The following KDM4C variants were observed in gnomAD, a reference collection of about 807,000 sequenced individuals.
KDM4C encodes the protein lysine-specific demethylase 4C.
In KDM4C, 81 loss-of-function variants were observed where a neutral mutation model predicts 129.3. The observed-to-expected ratio is 0.63, with a 90% CI of 0.52 to 0.75. The LOEUF (loss-of-function observed/expected upper bound fraction) is 0.75, where lower values mean the gene tolerates loss of function less well. KDM4C is among the 30% of genes least tolerant of loss of function. The probability of loss-of-function intolerance (pLI) is 0.00; values close to 1 mark genes in which losing one functional copy is unlikely to be tolerated. For missense variants in KDM4C, 1,457 were observed against 1,304.0 expected, an observed-to-expected ratio of 1.12 and a Z score of -1.81; for synonymous variants, 573 against 456.1, an observed-to-expected ratio of 1.26 and a Z score of -3.26.
chr9:7,165,164 T>C, intron 19 of KDM4C, 74 bp from the exon 20 acceptor site: 2 of 1,552,268 alleles, frequency 1.3e-6, no homozygotes, highest in Non-Finnish European at 1.7e-6. Flanking sequence ...TGCCAGGAGT[T>C]CATCATTTGC....
At chr9:6,750,320 C>T (rs897852269) in intron 1 of KDM4C, among the ~76,000 whole-genome samples, 8 of 151,740 alleles carry the variant, frequency 5.3e-5, no homozygotes, top group African/African-American at 1.9e-4. Context: ...GCACCTGTAG[C>T]CCCAGCTACT....
At chr9:7,125,717 T>C (rs1224567201) in intron 18 of KDM4C, among the ~76,000 whole-genome samples, 1 of 152,206 alleles carries the variant, frequency 6.6e-6, no homozygotes, top group Non-Finnish European at 1.5e-5. Context: ...AAGAAAAGAC[T>C]GGGGTTTAAT....
chr9:6,812,064 C>T (rs184208162), intron 3 of KDM4C, among the ~76,000 whole-genome samples: 1 of 152,110 alleles, frequency 6.6e-6, no homozygotes, highest in East Asian at 1.9e-4. Context: ...CAAACTTTAT[C>T]TTTCTCTCTT....
intron 1 of KDM4C, among the ~76,000 whole-genome samples, chr9:6,762,886 T>C (rs1477589834): frequency 2.0e-5 from 3 of 152,016 alleles, no homozygotes; most frequent in African/African-American, 7.3e-5. Flanking sequence ...CTCGAATTCT[T>C]GACCTCAGGT....
At chr9:6,891,137 G>C (rs1039856279) in intron 7 of KDM4C, among the ~76,000 whole-genome samples, 44 of 152,176 alleles carry the variant, frequency 2.9e-4, no homozygotes, top group African/African-American at 9.9e-4. Context: ...GTGGGAGTAG[G>C]GGATGGGCAG....
Position 7,103,835 on chromosome 9 carries a change from A to T in KDM4C, c.2575A>T (p.Ile859Phe). The change falls in exon 18 of 22, where the codon ATT (isoleucine) becomes TTT (phenylalanine). Residue 859 changes from isoleucine (I) to phenylalanine (F), a missense_variant. Coordinates refer to ENST00000381309, the MANE Select transcript of KDM4C (RefSeq NM_015061.6). ...EPDDWPYVVN[I>F]TCFRHKVNPN... is the part of the protein sequence containing the mutation. Reference sequence around the variant, plus strand: ...TGATGACTGGCCTTATGTGGTGAACATTACATGCTTTCGACATAAGGTCAA... The same window carrying T: ...TGATGACTGGCCTTATGTGGTGAACTTTACATGCTTTCGACATAAGGTCAA... 6.2e-7 allele frequency: 1 copy of T among 1,613,988 alleles called. No individual in the cohort carries two copies. Among genetic ancestry groups the T allele is most frequent in the Non-Finnish European group, 8.5e-7 (1 of 1,179,932 alleles).
chr9:6,761,356 CAG>C (rs1819459196), intron 1 of KDM4C, among the ~76,000 whole-genome samples: 1 of 151,080 alleles, frequency 6.6e-6, no homozygotes, highest in African/African-American at 2.4e-5. Flanking sequence ...TTTTTGGAGA[CAG>C]GGTGTAACTC....
At chr9:7,048,798 C>T (rs1829763166) in intron 16 of KDM4C, among the ~76,000 whole-genome samples, 1 of 151,974 alleles carries the variant, frequency 6.6e-6, no homozygotes, top group Non-Finnish European at 1.5e-5. Context: ...AAATAAGAAA[C>T]CCACATTTCA....
chr9:6,884,306 G>GGTAAA (rs1435873355), intron 6 of KDM4C, among the ~76,000 whole-genome samples: 2 of 152,100 alleles, frequency 1.3e-5, no homozygotes, highest in African/African-American at 4.8e-5. Context: ...TAGAGCTGTG[G>GGTAAA]GTAAATGTTA....
At chr9:7,159,449 T>C (rs1843543189) in intron 19 of KDM4C, among the ~76,000 whole-genome samples, 1 of 152,246 alleles carries the variant, frequency 6.6e-6, no homozygotes, top group Non-Finnish European at 1.5e-5. Context: ...CAATTTCTCA[T>C]GTTTTTGCAG....
chr9:7,152,045 C>T (rs1337516104), intron 19 of KDM4C, among the ~76,000 whole-genome samples: 3 of 152,228 alleles, frequency 2.0e-5, no homozygotes, highest in Non-Finnish European at 4.4e-5. Context: ...TGGCTTGGAC[C>T]AGCTGAATCA....
intron 17 of KDM4C, among the ~76,000 whole-genome samples, chr9:7,052,894 A>T (rs368674608): frequency 1.7e-4 from 18 of 105,468 alleles, no homozygotes; most frequent in African/African-American, 5.9e-4. Context: ...AGAGAGAGAG[A>T]GAGAGAGCGA....
intron 8 of KDM4C, among the ~76,000 whole-genome samples, chr9:6,951,507 A>T (rs565311618): frequency 6.6e-6 from 1 of 152,122 alleles, no homozygotes; most frequent in Non-Finnish European, 1.5e-5. Flanking sequence ...TCGGCTTTCT[A>T]TGAAAAAGAG....
At chr9:6,843,332 C>G (rs1255558936) in intron 4 of KDM4C, among the ~76,000 whole-genome samples, 3 of 152,234 alleles carry the variant, frequency 2.0e-5, no homozygotes, top group Non-Finnish European at 4.4e-5. Flanking sequence ...TCTGAACCCT[C>G]TCCCCATCTT....
intron 19 of KDM4C, among the ~76,000 whole-genome samples, chr9:7,164,844 C>T (rs1209669834): frequency 6.6e-6 from 1 of 152,166 alleles, no homozygotes; most frequent in Non-Finnish European, 1.5e-5. Context: ...TATAAGATCA[C>T]ATGAGATGTA....
At chr9:6,775,343 A>G (rs1822787059) in intron 1 of KDM4C, among the ~76,000 whole-genome samples, 1 of 151,752 alleles carries the variant, frequency 6.6e-6, no homozygotes, top group South Asian at 2.1e-4. Context: ...GGGAGTAGCT[A>G]TGATTTGTTA....
chr9:6,777,924 T>G (rs1378319228), intron 1 of KDM4C, among the ~76,000 whole-genome samples: 4 of 151,046 alleles, frequency 2.6e-5, no homozygotes, highest in Admixed American at 2.6e-4. Flanking sequence ...GCCTTTTTTT[T>G]TTTTTTTCTC....
chr9:7,145,406 G>T (rs185410823), intron 19 of KDM4C, among the ~76,000 whole-genome samples: 5 of 152,154 alleles, frequency 3.3e-5, no homozygotes, highest in Non-Finnish European at 7.3e-5. Context: ...CAGTTCAGGG[G>T]TGCTGCGTAG....
chr9:6,788,222 G>A (rs1410900894), intron 1 of KDM4C, among the ~76,000 whole-genome samples: 4 of 151,914 alleles, frequency 2.6e-5, no homozygotes, highest in African/African-American at 9.7e-5. Flanking sequence ...ACTTTTTATT[G>A]TCTGTTTCAT....
Sources: gnomAD v4.1 joint callset for allele counts (sites outside exome capture counted in the v4.1 genomes callset) on GRCh38, gnomAD v4.1.1 for gene constraint, MANE v1.5 for transcripts, NCBI Gene and HGNC (gene_info 2026-07-23, HGNC 2026-07-21) for gene names.